The following GPC5 variants were observed in gnomAD, a reference collection of about 807,000 sequenced individuals.
GPC5 encodes the protein glypican-5.
A neutral mutation model predicts 53.9 loss-of-function variants in GPC5; 47 were observed. The ratio of observed to expected loss-of-function variants is 0.87; its 90% CI spans 0.69 to 1.11. GPC5 has a LOEUF of 1.11. Ranked by LOEUF, GPC5 falls within the 50% of genes most tolerant of loss-of-function variation. The pLI is 0.00. For missense variants in GPC5, 748 were observed against 713.1 expected, an observed-to-expected ratio of 1.05 and a Z score of -0.56; for synonymous variants, 286 against 263.3, an observed-to-expected ratio of 1.09 and a Z score of -0.84.
chr13:91,627,452 T>A lies in GPC5; in HGVS notation c.326-65735T>A, dbSNP rs1185937206. ...ATTGTGGAAGACAGTGTGAGGAGCT[T>A]TTTTCTTTGAGGAAGAATTTGCTTA... On this transcript the variant is annotated intron_variant, in intron 2 of 7. Transcript: ENST00000377067. Among the ~76,000 whole-genome samples the A allele has an allele frequency of 2.6e-5, 4 of 152,194 alleles. No homozygotes were observed. The South Asian group carries it at 6.2e-4, about 24-fold the overall frequency.
chr13:91,856,465 C>T (rs1187919781), intron 5 of GPC5, among the ~76,000 whole-genome samples: 4 of 151,502 alleles, frequency 2.6e-5, no homozygotes, highest in African/African-American at 4.8e-5. Context: ...AGTTGTTCAT[C>T]GTATGTTCAT....
chr13:92,163,313 C>A (rs1448229117), intron 7 of GPC5, among the ~76,000 whole-genome samples: 2 of 151,786 alleles, frequency 1.3e-5, no homozygotes, highest in Non-Finnish European at 2.9e-5. Flanking sequence ...ATACAGACCT[C>A]AGCCAGGCAT....
Position 91,619,276 on chromosome 13 carries a change from A to G in GPC5, c.326-73911A>G, listed in dbSNP as rs190956716. Among the ~76,000 whole-genome samples, 573 of 152,170 alleles carry G rather than the reference A, an allele frequency of 3.8e-3. 7 individuals carry two copies. Among genetic ancestry groups the G allele is most frequent in the African/African-American group, 0.013 (546 of 41,550 alleles). ...CTACATTTTTAAATGAAGGATTCTTAATTCTTTTGAAAACATGTCCAAGAC... is the reference window on the plus strand; with the variant it reads ...CTACATTTTTAAATGAAGGATTCTTGATTCTTTTGAAAACATGTCCAAGAC... On this transcript the variant is annotated intron_variant, in intron 2 of 7. Transcript: ENST00000377067.
chr13:91,566,591 A>G (rs75041887), intron 2 of GPC5, among the ~76,000 whole-genome samples: 55 of 152,080 alleles, frequency 3.6e-4, no homozygotes, highest in African/African-American at 1.2e-3. Flanking sequence ...TTTCTGAACT[A>G]TTTCCCAGAT....
intron 6 of GPC5, among the ~76,000 whole-genome samples, chr13:92,081,899 C>A (rs1266530114): frequency 6.6e-6 from 1 of 152,008 alleles, no homozygotes; most frequent in Non-Finnish European, 1.5e-5. Flanking sequence ...TAGCCTGTGA[C>A]ATGAACATAA....
intron 5 of GPC5, among the ~76,000 whole-genome samples, chr13:91,820,225 T>C (rs2038470095): frequency 6.6e-6 from 1 of 152,186 alleles, no homozygotes; most frequent in African/African-American, 2.4e-5. Flanking sequence ...GCACTAATTG[T>C]CAATATTTAT....
intron 7 of GPC5, among the ~76,000 whole-genome samples, chr13:92,428,240 G>A (rs181711563): frequency 6.6e-6 from 1 of 152,180 alleles, no homozygotes; most frequent in East Asian, 1.9e-4. Context: ...AGACTCTCCT[G>A]TCTTGGATGA....
At chr13:92,739,050 G>A (rs549314104) in intron 7 of GPC5, among the ~76,000 whole-genome samples, 9 of 152,008 alleles carry the variant, frequency 5.9e-5, no homozygotes, top group East Asian at 1.9e-4. Flanking sequence ...ATCAATTTTC[G>A]TGGCACTTGT....
chr13:92,442,848 A>G (rs1377699514), intron 7 of GPC5, among the ~76,000 whole-genome samples: 1 of 152,214 alleles, frequency 6.6e-6, no homozygotes, highest in Non-Finnish European at 1.5e-5. Context: ...ACATCACAAT[A>G]AATTTTTTTT....
At chr13:91,548,949 T>G (rs2030458277) in intron 2 of GPC5, among the ~76,000 whole-genome samples, 1 of 152,064 alleles carries the variant, frequency 6.6e-6, no homozygotes, top group Admixed American at 6.6e-5. Context: ...AAAAATCAAC[T>G]CAAAGTGGAT....
chr13:92,381,900 CAT>C (rs1594150529), intron 7 of GPC5, among the ~76,000 whole-genome samples: 2 of 111,590 alleles, frequency 1.8e-5, no homozygotes, highest in East Asian at 2.4e-4. Context: ...TATATATAAT[CAT>C]ATATATGATA....
intron 7 of GPC5, among the ~76,000 whole-genome samples, chr13:92,312,232 A>T (rs1472230273): frequency 6.6e-6 from 1 of 152,170 alleles, no homozygotes; most frequent in Non-Finnish European, 1.5e-5. Context: ...CTCTTTCTAG[A>T]ACATCTCCAG....
Position 92,201,011 on chromosome 13 carries a change from G to A in GPC5, c.1561+56022G>A, listed in dbSNP as rs977055291. Among the ~76,000 whole-genome samples the A allele has an allele frequency of 6.4e-3, 930 of 145,080 alleles. 15 individuals are homozygous for A. The highest frequency in any genetic ancestry group is 0.022 in the African/African-American group (858 of 39,562). On this transcript the variant is annotated intron_variant, in intron 7 of 7. Transcript: ENST00000377067. Reference sequence around the variant, plus strand: ...CACACACACACACACACACACACACGCACACACACGGGAGGTTACGCCTTC... The same window carrying A: ...CACACACACACACACACACACACACACACACACACGGGAGGTTACGCCTTC...
At chr13:91,876,347 G>A (rs777881515) in intron 5 of GPC5, among the ~76,000 whole-genome samples, 2 of 152,138 alleles carry the variant, frequency 1.3e-5, no homozygotes, top group Non-Finnish European at 2.9e-5. Flanking sequence ...AGGAAAATGT[G>A]GGAAAGTTTG....
rs563764421 is a variant in GPC5, at chr13:92,073,585, A to G, written c.1402-71245A>G. Among the ~76,000 whole-genome samples the G allele has an allele frequency of 2.0e-5, 3 of 152,294 alleles. No homozygotes were observed. The South Asian group carries it at 6.2e-4, about 32-fold the overall frequency. ...TATAATTGCCTGCTGCAGGATGATG[A>G]CTTTCCTACGTGAATCTTCCTGAGT... On this transcript the variant is annotated intron_variant, in intron 6 of 7. Coordinates refer to ENST00000377067, the MANE Select transcript of GPC5 (RefSeq NM_004466.6).
chr13:92,594,108 A>G (rs912389679), intron 7 of GPC5, among the ~76,000 whole-genome samples: 1 of 152,170 alleles, frequency 6.6e-6, no homozygotes, highest in Admixed American at 6.5e-5. Context: ...ATGTAACCCT[A>G]TATCCAGATT....
intron 2 of GPC5, among the ~76,000 whole-genome samples, chr13:91,597,947 G>C (rs971528650): frequency 2.6e-5 from 4 of 151,884 alleles, no homozygotes; most frequent in Non-Finnish European, 4.4e-5. Context: ...AGAAAAAGCG[G>C]ATGCTCAATT....
chr13:92,810,753 C>T (rs1050024763), intron 7 of GPC5, among the ~76,000 whole-genome samples: 2 of 151,988 alleles, frequency 1.3e-5, no homozygotes, highest in African/African-American at 4.8e-5. Context: ...CGGAGTCTCA[C>T]CTTGTTGCCC....
At chr13:92,245,471 C>T (rs1004364546) in intron 7 of GPC5, among the ~76,000 whole-genome samples, 2 of 152,108 alleles carry the variant, frequency 1.3e-5, no homozygotes, top group African/African-American at 4.8e-5. Flanking sequence ...CTATTATATT[C>T]CTAATAACTA....
Sources: allele counts gnomAD v4.1 joint callset (sites outside exome capture counted in the v4.1 genomes callset), GRCh38; gene constraint gnomAD v4.1.1; transcripts MANE v1.5; gene names NCBI Gene and HGNC (gene_info 2026-07-23, HGNC 2026-07-21).